The following PIP4K2A variants were observed in gnomAD, a reference collection of about 807,000 sequenced individuals.
PIP4K2A encodes phosphatidylinositol-5-phosphate 4-kinase type 2 alpha.
Under a neutral mutation model 42.9 loss-of-function variants are expected in PIP4K2A, and 14 were observed. The observed-to-expected ratio is 0.33, with a 90% CI of 0.22 to 0.51. The LOEUF (loss-of-function observed/expected upper bound fraction) is 0.51, where lower values mean the gene tolerates loss of function less well. PIP4K2A is among the 20% of genes least tolerant of loss of function. The pLI is 0.97. For synonymous variants in PIP4K2A, 192 were observed against 192.2 expected, an observed-to-expected ratio of 1.00 and a Z score of 0.01; for missense variants, 434 against 519.8, an observed-to-expected ratio of 0.83 and a Z score of 1.61.
At chr10:22,553,595 G>T (rs1022512737) in intron 6 of PIP4K2A, among the ~76,000 whole-genome samples, 1 of 152,086 alleles carries the variant, frequency 6.6e-6, no homozygotes, top group Admixed American at 6.6e-5. Flanking sequence ...TCAGAGTTTG[G>T]TGAGTGATGA....
chr10:22,706,560 G>A (rs1462639622), intron 1 of PIP4K2A, among the ~76,000 whole-genome samples: 3 of 152,192 alleles, frequency 2.0e-5, no homozygotes, highest in South Asian at 2.1e-4. Context: ...TCTGGACACT[G>A]TAGTTATTTA....
intron 1 of PIP4K2A, among the ~76,000 whole-genome samples, chr10:22,618,436 C>G (rs1288401344): frequency 6.6e-6 from 1 of 152,146 alleles, no homozygotes; most frequent in African/African-American, 2.4e-5. Flanking sequence ...GTATCCAGAG[C>G]TATTGAAGTG....
chr10:22,655,444 C>T (rs1486875043), intron 1 of PIP4K2A, among the ~76,000 whole-genome samples: 1 of 152,180 alleles, frequency 6.6e-6, no homozygotes, highest in African/African-American at 2.4e-5. Context: ...AAGCCTGACG[C>T]CCCATATTTC....
chr10:22,662,408 G>A (rs1839218710), intron 1 of PIP4K2A, among the ~76,000 whole-genome samples: 1 of 152,194 alleles, frequency 6.6e-6, no homozygotes, highest in South Asian at 2.1e-4. Flanking sequence ...AGACTCTGCT[G>A]AATGCTGAAG....
intron 1 of PIP4K2A, among the ~76,000 whole-genome samples, chr10:22,635,325 G>A (rs1057263584): frequency 6.6e-6 from 1 of 152,154 alleles, no homozygotes; most frequent in Non-Finnish European, 1.5e-5. Context: ...TGTCAGTGGT[G>A]GGGAGGCTGA....
intron 1 of PIP4K2A, among the ~76,000 whole-genome samples, chr10:22,681,668 C>G (rs374073105): frequency 1.2e-4 from 18 of 151,650 alleles, no homozygotes; most frequent in Middle Eastern, 3.4e-3. Flanking sequence ...GAGCAAGACC[C>G]TATTTCTAAA....
intron 1 of PIP4K2A, among the ~76,000 whole-genome samples, chr10:22,696,782 T>C (rs902074646): frequency 2.6e-5 from 4 of 152,186 alleles, no homozygotes; most frequent in African/African-American, 4.8e-5. Flanking sequence ...AATTCTCTAT[T>C]AGGTAATCAT....
At chr10:22,546,202 G>T (rs1836255099) in intron 7 of PIP4K2A, among the ~76,000 whole-genome samples, 3 of 152,296 alleles carry the variant, frequency 2.0e-5, no homozygotes, top group African/African-American at 7.2e-5. Flanking sequence ...TCACAGGGGT[G>T]TCGAAGAATT....
intron 5 of PIP4K2A, among the ~76,000 whole-genome samples, chr10:22,571,037 A>G (rs1166000922): frequency 6.6e-6 from 1 of 152,226 alleles, no homozygotes; most frequent in Non-Finnish European, 1.5e-5. Context: ...TATCAAATCT[A>G]GACCCAGGAG....
At chr10:22,570,599 C>T (rs1217181151) in intron 5 of PIP4K2A, among the ~76,000 whole-genome samples, 1 of 152,182 alleles carries the variant, frequency 6.6e-6, no homozygotes, top group Non-Finnish European at 1.5e-5. Flanking sequence ...AGGAGACAAG[C>T]CCAGACCATT....
intron 1 of PIP4K2A, among the ~76,000 whole-genome samples, chr10:22,624,205 G>T (rs536898423): frequency 6.6e-6 from 1 of 152,182 alleles, no homozygotes; most frequent in African/African-American, 2.4e-5. Flanking sequence ...TTAACATGTA[G>T]AAGCTTCTTT....
chr10:22,660,530 C>T (rs1283574715), intron 1 of PIP4K2A, among the ~76,000 whole-genome samples: 2 of 151,804 alleles, frequency 1.3e-5, no homozygotes, highest in Admixed American at 6.6e-5. Context: ...TCCTGAAAGG[C>T]AGGCAGGAAA....
At chr10:22,686,242 T>C (rs1033015805) in intron 1 of PIP4K2A, among the ~76,000 whole-genome samples, 2 of 152,232 alleles carry the variant, frequency 1.3e-5, no homozygotes, top group Non-Finnish European at 2.9e-5. Flanking sequence ...AACTCCTAGA[T>C]AGTTGTTCTT....
chr10:22,589,843 A>G (rs1837473452), intron 4 of PIP4K2A, among the ~76,000 whole-genome samples: 1 of 152,212 alleles, frequency 6.6e-6, no homozygotes. Flanking sequence ...CCATTGTGAC[A>G]GCCAATTTTT....
At chr10:22,679,511 T>C (rs1040152409) in intron 1 of PIP4K2A, among the ~76,000 whole-genome samples, 1 of 152,108 alleles carries the variant, frequency 6.6e-6, no homozygotes, top group Non-Finnish European at 1.5e-5. Flanking sequence ...CCTCAGAAAA[T>C]TAAACACAGA....
intron 1 of PIP4K2A, among the ~76,000 whole-genome samples, chr10:22,671,091 C>A (rs1290670640): frequency 6.6e-5 from 10 of 152,084 alleles, no homozygotes; most frequent in Admixed American, 6.6e-4. Context: ...TAGTGAAAAG[C>A]CAGGGAAAGC....
intron 4 of PIP4K2A, among the ~76,000 whole-genome samples, chr10:22,574,046 C>T (rs1387725715): frequency 1.3e-5 from 2 of 152,232 alleles, no homozygotes; most frequent in Non-Finnish European, 2.9e-5. Flanking sequence ...CTGCTGGTTT[C>T]CACCAAGTTA....
intron 1 of PIP4K2A, among the ~76,000 whole-genome samples, chr10:22,639,308 G>A (rs989949404): frequency 4.0e-5 from 6 of 150,392 alleles, no homozygotes; most frequent in African/African-American, 1.2e-4. Flanking sequence ...AACACCAGCT[G>A]AGCTTACCAG....
intron 1 of PIP4K2A, among the ~76,000 whole-genome samples, chr10:22,649,256 C>T (rs982764219): frequency 6.6e-6 from 1 of 152,224 alleles, no homozygotes; most frequent in Admixed American, 6.5e-5. Flanking sequence ...CTGTATTCCA[C>T]GATCAGATGG....
Sources: allele counts gnomAD v4.1 joint callset (sites outside exome capture counted in the v4.1 genomes callset), GRCh38; gene constraint gnomAD v4.1.1; transcripts MANE v1.5; gene names NCBI Gene and HGNC (gene_info 2026-07-23, HGNC 2026-07-21).